ANKRD37: variants seen among roughly 807,000 people sequenced by gnomAD.
ANKRD37 encodes ankyrin repeat domain 37.
A neutral mutation model predicts 19.7 loss-of-function variants in ANKRD37; 17 were observed. The ratio of observed to expected loss-of-function variants is 0.86; its 90% confidence interval spans 0.59 to 1.29. ANKRD37 has a LOEUF of 1.29. Ranked by LOEUF, ANKRD37 falls within the 50% of genes most tolerant of loss-of-function variation. ANKRD37 has a pLI of 0.00. For synonymous variants in ANKRD37, 79 were observed against 74.5 expected, an observed-to-expected ratio of 1.06 and a Z score of -0.31; for missense variants, 207 against 190.4, an observed-to-expected ratio of 1.09 and a Z score of -0.51.
In ANKRD37 at chr4:185,400,034, A is replaced by G; in HGVS notation, c.*17A>G. 6.3e-7 allele frequency: 1 copy of G among 1,586,160 alleles called. No individual in the cohort carries two copies. On this transcript the variant is annotated 3_prime_UTR_variant, in exon 5 of 5. Coordinates refer to ENST00000335174, the MANE Select transcript of ANKRD37 (RefSeq NM_181726.4). The stretch of plus-strand genomic sequence containing the variant: ...AAAAACAGATGTCACGTGGGTTATG[A>G]AGAAGTCTGAAGAACGCCTTCATTT...
chr4:185,398,053 G>A (rs958132193), intron 2 of ANKRD37, among the ~76,000 whole-genome samples: 1 of 152,194 alleles, frequency 6.6e-6, no homozygotes, highest in Non-Finnish European at 1.5e-5. Context: ...TGCTTCTTGG[G>A]TTCAAGAGAT....
At chr4:185,399,154 T>C (rs968170818) in intron 3 of ANKRD37, 126 bp downstream of exon 3, 1 of 833,912 alleles carries the variant, frequency 1.2e-6, no homozygotes, top group Non-Finnish European at 1.9e-6. Flanking sequence ...GTGTTAATCA[T>C]TTAAATGTTA....
At chr4:185,397,617 C>CT (rs148112456) in intron 2 of ANKRD37, 1 of 294,358 alleles carries the variant, frequency 3.4e-6, no homozygotes, top group Middle Eastern at 1.1e-3. Context: ...ATATTTTACA[C>CT]TTTCTTTTAT....
At chr4:185,400,514 A>G, downstream of ANKRD37, 1 of 1,510,950 alleles carries the variant, frequency 6.6e-7, no homozygotes, top group East Asian at 2.3e-5. Flanking sequence ...AGCCTTTTAC[A>G]AAGTTACAAG....
chr4:185,399,499 C>A, intron 3 of ANKRD37, 71 bp from the exon 4 acceptor site: 1 of 1,489,332 alleles, frequency 6.7e-7, no homozygotes, highest in South Asian at 1.2e-5. Flanking sequence ...GCCCAAAATT[C>A]CCTTGTAAGA....
rs2095505930 is a variant in ANKRD37 at position 185,397,273 on chromosome 4, C to T, written c.151C>T (p.Leu51=). Residue 51 remains leucine (L), a synonymous_variant, in exon 2 of 5, where the codon CTG becomes TTG. Coordinates refer to ENST00000335174, the MANE Select transcript of ANKRD37 (RefSeq NM_181726.4). The part of the protein sequence containing the change: ...SGLACFLLWQ[L]QTGADLNQQD... ...CCTTGCTTGCTTTCTTCTCTGGCAG[C>T]TGCAAACGGGCGCTGACCTCAACCA... The T allele has an allele frequency of 1.2e-6, 2 of 1,614,054 alleles. No individual in the cohort carries two copies. Among genetic ancestry groups the T allele is most frequent in the Non-Finnish European group, 1.7e-6 (2 of 1,180,026 alleles).
chr4:185,397,901 CT>C (rs1257189587), intron 2 of ANKRD37, among the ~76,000 whole-genome samples: 1 of 152,210 alleles, frequency 6.6e-6, no homozygotes, highest in African/African-American at 2.4e-5. Context: ...AAATTGTAAA[CT>C]TTTCTGGAAG....
At chr4:185,397,071 G>GGC in intron 1 of ANKRD37, 79 bp from the exon 2 acceptor site, 2 of 1,609,976 alleles carry the variant, frequency 1.2e-6, no homozygotes, top group Non-Finnish European at 1.7e-6. Context: ...GGTTGTGAAG[G>GGC]GCGGGGAGGT....
intron 4 of ANKRD37, 28 bp from the exon 5 acceptor site, chr4:185,399,989 T>C (rs1426777669): frequency 6.3e-7 from 1 of 1,598,820 alleles, no homozygotes; most frequent in African/African-American, 1.4e-5. Flanking sequence ...AAAAAAAGTT[T>C]TTAATGTTAA....
chr4:185,399,515 A>T (rs992186883), intron 3 of ANKRD37, 55 bp from the exon 4 acceptor site: 3 of 1,584,110 alleles, frequency 1.9e-6, no homozygotes. Flanking sequence ...TAAGATATAA[A>T]AAAAAAGACT....
chr4:185,399,721 CAGA>C lies in ANKRD37; in HGVS notation c.426_428del (p.Lys143del). ...GAATGATTGTGTTGCCGTGCTCAGACAGAAACGGAGTCTCGGAAGTGTAGAAAA... is the reference window on the plus strand; with the variant it reads ...GAATGATTGTGTTGCCGTGCTCAGACAACGGAGTCTCGGAAGTGTAGAAAA... On this transcript the variant is annotated inframe_deletion, in exon 4 of 5. Coordinates refer to ENST00000335174, the MANE Select transcript of ANKRD37 (RefSeq NM_181726.4). The C allele has an allele frequency of 6.2e-7, 1 of 1,614,126 alleles. No individual in the cohort carries two copies. Among genetic ancestry groups the C allele is most frequent in the Non-Finnish European group, 8.5e-7 (1 of 1,180,018 alleles).
At chr4:185,398,844 T>A in intron 2 of ANKRD37, 93 bp from the exon 3 acceptor site, 4 of 853,798 alleles carry the variant, frequency 4.7e-6, no homozygotes, top group Non-Finnish European at 7.5e-6. Flanking sequence ...CAGTTCTAAC[T>A]AGCTTCCTTA....
intron 2 of ANKRD37, among the ~76,000 whole-genome samples, chr4:185,398,492 A>G (rs187634161): frequency 7.9e-5 from 12 of 152,340 alleles, no homozygotes; most frequent in Non-Finnish European, 1.6e-4. Flanking sequence ...TGTAATCACT[A>G]AAAGTATCTA....
Position 185,400,184 on chromosome 4 carries a change from A to G in ANKRD37, c.*167A>G, listed in dbSNP as rs1406876930. On this transcript the variant is annotated 3_prime_UTR_variant, in exon 5 of 5. Coordinates refer to ENST00000335174, the MANE Select transcript of ANKRD37 (RefSeq NM_181726.4). ...TAAGAACACATGTATTTACATGCCTATAATATGCTGGTTGTGTATGCTTTG... is the reference window on the plus strand; with the variant it reads ...TAAGAACACATGTATTTACATGCCTGTAATATGCTGGTTGTGTATGCTTTG... 1.4e-5 allele frequency: 10 copies of G among 723,938 alleles called. No homozygotes were observed. The highest frequency in any genetic ancestry group is 3.6e-5 in the African/African-American group (2 of 55,910). The allele number at this position is 723,938 out of a possible 1,614,324, so 44.8% of individuals were successfully genotyped here.
rs557620263 is a variant in ANKRD37, at chr4:185,399,813, G to C, written c.476+40G>C. 8.0e-5 allele frequency: 129 copies of C among 1,611,548 alleles called. No individual in the cohort carries two copies. The South Asian group carries it at 1.3e-3, about 17-fold the overall frequency. ...GCTGCTGCTTTTTTCCTCCCGCAGT[G>C]ATCTCTTGTTTGCATAGCATTTATT... On this transcript the variant is annotated intron_variant, in intron 4 of 4. Coordinates refer to ENST00000335174, the MANE Select transcript of ANKRD37 (RefSeq NM_181726.4).
At chr4:185,398,106 C>T (rs981962416) in intron 2 of ANKRD37, among the ~76,000 whole-genome samples, 1 of 151,988 alleles carries the variant, frequency 6.6e-6, no homozygotes, top group Non-Finnish European at 1.5e-5. Context: ...TACAGGCACG[C>T]GCCACCGTGC....
intron 2 of ANKRD37, among the ~76,000 whole-genome samples, 175 bp from the exon 3 acceptor site, chr4:185,398,757 CAAAAT>C (rs1010264182): frequency 1.0e-4 from 8 of 76,694 alleles, no homozygotes; most frequent in Non-Finnish European, 5.2e-5. Flanking sequence ...TGAATATTAA[CAAAAT>C]AAACCCACGA....
At chr4:185,397,348 GAC>G (rs757317860) in intron 2 of ANKRD37, 46 bp downstream of exon 2, 2 of 1,592,626 alleles carry the variant, frequency 1.3e-6, no homozygotes, top group Admixed American at 1.7e-5. Flanking sequence ...CTCCAACCCA[GAC>G]ACACACAAAC....
chr4:185,397,174 G>T lies in ANKRD37; in HGVS notation c.52G>T (p.Glu18Ter), dbSNP rs754080309. 6.2e-7 allele frequency: 1 copy of T among 1,613,722 alleles called. No homozygotes were observed. The highest frequency in any genetic ancestry group is 1.1e-5 in the South Asian group (1 of 91,064). ...GGTGGATGGTCTGAAGCATTTGCTG[G>T]AGACAGGGGCCTCGGTCAACGCACC... The part of the protein sequence containing the change: ...PEVDGLKHLL[E>*]TGASVNAPPD... The change falls in exon 2 of 5, where the codon GAG (glutamate) becomes TAG (stop). Residue 18 changes from glutamate (E) to a stop codon, truncating the protein, a stop_gained. Coordinates refer to ENST00000335174, the MANE Select transcript of ANKRD37 (RefSeq NM_181726.4). LOFTEE classifies it high-confidence loss of function.
Sources: allele counts gnomAD v4.1 joint callset (sites outside exome capture counted in the v4.1 genomes callset), GRCh38; gene constraint gnomAD v4.1.1; transcripts MANE v1.5; gene names NCBI Gene and HGNC (gene_info 2026-07-23, HGNC 2026-07-21).